TTYH3: variants seen among roughly 807,000 people sequenced by gnomAD.
TTYH3 encodes the protein protein tweety homolog 3.
TTYH3 carries 23 observed loss-of-function variants against 68.2 expected under a neutral mutation model. The observed-to-expected ratio is 0.34, with a 90% confidence interval of 0.24 to 0.48. TTYH3 has a LOEUF of 0.48. Ranked by LOEUF, TTYH3 falls within the 20% of genes least tolerant of loss-of-function variation. The pLI is 0.99. For synonymous variants in TTYH3, 360 were observed against 332.8 expected (o/e 1.08, Z -0.89); for missense variants, 768 against 727.7 (o/e 1.06, Z -0.64).
At chr7:2,632,522 A>C (rs1357438402) in intron 1 of TTYH3, among the ~76,000 whole-genome samples, 1 of 151,152 alleles carries the variant, frequency 6.6e-6, no homozygotes, top group Non-Finnish European at 1.5e-5. Flanking sequence ...TCCAACCCCC[A>C]GTGAGGGTCC....
chr7:2,641,037 G>A (rs1300905173), intron 1 of TTYH3, among the ~76,000 whole-genome samples: 7 of 152,194 alleles, frequency 4.6e-5, no homozygotes, highest in Non-Finnish European at 7.4e-5. Context: ...TCCCTGAAGG[G>A]GAAGGCTCCA....
chr7:2,657,229 G>A (rs1339173021), intron 11 of TTYH3, among the ~76,000 whole-genome samples: 1 of 152,226 alleles, frequency 6.6e-6, no homozygotes, highest in Non-Finnish European at 1.5e-5. Context: ...TGGATGGCAG[G>A]TAGCTCAGCT....
chr7:2,660,453 C>A, intron 13 of TTYH3: 2 of 985,434 alleles, frequency 2.0e-6, no homozygotes, highest in Non-Finnish European at 2.4e-6. Flanking sequence ...CACGGACAGG[C>A]ACGTGCCGGC....
chr7:2,652,381 T>A, intron 8 of TTYH3, 139 bp downstream of exon 8: 1 of 765,668 alleles, frequency 1.3e-6, no homozygotes, highest in South Asian at 1.5e-5. Context: ...GGACAAAGGC[T>A]GTGTGGATGT....
chr7:2,635,492 C>T (rs953635839), intron 1 of TTYH3, among the ~76,000 whole-genome samples: 6 of 152,232 alleles, frequency 3.9e-5, no homozygotes, highest in Admixed American at 3.9e-4. Context: ...GGGCTGTCTC[C>T]TCCAGCTCAG....
chr7:2,648,439 C>T lies in TTYH3; in HGVS notation c.722+385C>T, dbSNP rs568353267. 2.9e-4 allele frequency: 59 copies of T among 204,786 alleles called. 1 individual carries two copies. The highest frequency in any genetic ancestry group is 1.6e-3 in the Admixed American group (29 of 17,630). 12.7% of individuals were successfully genotyped at this position (204,786 alleles called of 1,614,324 possible). A position where few individuals can be genotyped will look rare whatever the true frequency, so the allele number is the denominator to read the frequency against. ...GCAGCCTGGGTTCCAGCCCCAGCTC[C>T]GGCTCACTAGGAGGGTGACCTTGGG... On this transcript the variant is annotated intron_variant, in intron 5 of 13. Transcript: ENST00000258796.
intron 5 of TTYH3, chr7:2,648,260 C>G: frequency 3.5e-6 from 2 of 563,742 alleles, no homozygotes; most frequent in Non-Finnish European, 6.2e-6. Context: ...TCCCAGCACA[C>G]TTGCCCCCAG....
At chr7:2,648,891 G>A (rs1221813840) in intron 5 of TTYH3, among the ~76,000 whole-genome samples, 2 of 149,162 alleles carry the variant, frequency 1.3e-5, no homozygotes, top group East Asian at 4.0e-4. Flanking sequence ...GGTCCTCAGT[G>A]GGGTGTGCAG....
At chr7:2,661,288 G>T (rs565314015) in intron 13 of TTYH3, among the ~76,000 whole-genome samples, 1 of 152,306 alleles carries the variant, frequency 6.6e-6, no homozygotes, top group East Asian at 1.9e-4. Context: ...CAGGTCCTGG[G>T]TGCGTAAGGT....
rs1302852234 is a variant in TTYH3 at position 2,654,815 on chromosome 7, C to G, written c.1021-1277C>G. On this transcript the variant is annotated intron_variant, in intron 9 of 13. Transcript: ENST00000258796. ...TATTTATTTTTTTGAGACAGAGTCTCTCTCTGTTGCCCAGGCTGGAGTGCA... is the reference window on the plus strand; with the variant it reads ...TATTTATTTTTTTGAGACAGAGTCTGTCTCTGTTGCCCAGGCTGGAGTGCA... Among the ~76,000 whole-genome samples the G allele has an allele frequency of 2.0e-5, 3 of 152,198 alleles. No homozygotes were observed. The East Asian group carries it at 5.8e-4, about 29-fold the overall frequency.
intron 13 of TTYH3, 52 bp downstream of exon 13, chr7:2,659,067 C>T (rs373892241): frequency 1.2e-5 from 19 of 1,552,560 alleles, no homozygotes; most frequent in Admixed American, 6.8e-5. Context: ...CTTGGGGGTC[C>T]GCTGTTCCAC....
Position 2,658,440 on chromosome 7 carries a change from G to A in TTYH3, c.1405G>A (p.Ala469Thr), listed in dbSNP as rs895425490. The change falls in exon 12 of 14, where the codon GCC becomes ACC. Residue 469 changes from alanine to threonine, a missense_variant. Ala to Thr is a moderately conservative substitution (Grantham distance 58, BLOSUM62 0). Coordinates refer to ENST00000258796, the MANE Select transcript of TTYH3 (RefSeq NM_025250.3). Reference protein sequence around the residue: ...IPAAAHTVSNAPVTEYMSQNA... With the variant: ...IPAAAHTVSNTPVTEYMSQNA... ...GGCCGCGGCCCACACCGTCAGCAAC[G>A]CCCCGGTCACTGAGTACATGTGAGT... The A allele has an allele frequency of 3.1e-6, 5 of 1,611,794 alleles. No individual in the cohort carries two copies. The highest frequency in any genetic ancestry group is 4.2e-6 in the Non-Finnish European group (5 of 1,179,422).
chr7:2,650,108 G>A, intron 7 of TTYH3, 120 bp downstream of exon 7: 1 of 974,506 alleles, frequency 1.0e-6, no homozygotes, highest in Non-Finnish European at 1.5e-6. Flanking sequence ...CAGGGAGACA[G>A]GTCCCAGGCC....
chr7:2,659,136 G>T, intron 13 of TTYH3, 121 bp downstream of exon 13: 1 of 1,001,492 alleles, frequency 1.0e-6, no homozygotes, highest in South Asian at 1.5e-5. Flanking sequence ...GCAGCTGTGA[G>T]CTGCCACCAC....
rs1453833867 is a variant in TTYH3, at chr7:2,645,151, G to A, written c.124-1702G>A. On this transcript the variant is annotated intron_variant, in intron 1 of 13. Coordinates refer to ENST00000258796, the MANE Select transcript of TTYH3 (RefSeq NM_025250.3). This position sits in a 1 kb window ranked among gnomAD's most constrained non-coding sequence, Gnocchi z 4.8. ...CAGGGCACCCCCAAGTTAGCCTCTA[G>A]GTGGTCCCTGGCCCCATGATGAGGC... Among the ~76,000 whole-genome samples the A allele has an allele frequency of 6.6e-6, 1 of 152,204 alleles. No homozygotes were observed. Among genetic ancestry groups the A allele is most frequent in the Non-Finnish European group, 1.5e-5 (1 of 68,024 alleles).
In TTYH3 at chr7:2,658,766, G is replaced by A. The variant is rs1055559399; in HGVS notation, c.1425-174G>A. On this transcript the variant is annotated intron_variant, in intron 12 of 13. Transcript: ENST00000258796. ...CTCTGGCTGGGCCAAGGTGGGCAGG[G>A]GTCTCTCTGTGGGCCCTCTCTGAGC... Among the ~76,000 whole-genome samples, 5 of 152,318 alleles carry A rather than the reference G, an allele frequency of 3.3e-5. No homozygotes were observed. In the South Asian group the frequency reaches 1.0e-3, roughly 32 times the overall value.
At chr7:2,661,578 C>G (rs1786497930) in intron 13 of TTYH3, 90 bp from the exon 14 acceptor site, 4 of 1,309,470 alleles carry the variant, frequency 3.1e-6, no homozygotes, top group Non-Finnish European at 4.3e-6. Flanking sequence ...GGGCTGTTGG[C>G]TCAGCCAAGT....
chr7:2,641,371 G>A (rs955652440), intron 1 of TTYH3, among the ~76,000 whole-genome samples: 1 of 151,980 alleles, frequency 6.6e-6, no homozygotes, highest in Non-Finnish European at 1.5e-5. Flanking sequence ...TGCCGTCTGT[G>A]GCTGTGGGGC....
At chr7:2,633,940 G>C (rs756359885) in intron 1 of TTYH3, among the ~76,000 whole-genome samples, 1 of 152,198 alleles carries the variant, frequency 6.6e-6, no homozygotes, top group African/African-American at 2.4e-5. Context: ...AAGAGCCTCC[G>C]GGCAGTAGCC....
Sources: gnomAD v4.1 joint callset for allele counts (sites outside exome capture counted in the v4.1 genomes callset) on GRCh38, gnomAD v4.1.1 for gene constraint, Gnocchi (gnomAD v3.1) non-coding constraint, MANE v1.5 for transcripts, NCBI Gene and HGNC (gene_info 2026-07-23, HGNC 2026-07-21) for gene names.